Variants in ANKAR observed in about 807,000 individuals in gnomAD.
ANKAR encodes the protein ankyrin and armadillo repeat-containing protein.
Under a neutral mutation model 146.2 loss-of-function variants are expected in ANKAR, and 136 were observed. That is an observed-to-expected ratio of 0.93 (90% CI 0.81 to 1.07). The LOEUF (loss-of-function observed/expected upper bound fraction) is 1.07, where lower values mean the gene tolerates loss of function less well. Ranked by LOEUF, ANKAR falls within the 50% of genes least tolerant of loss-of-function variation. The probability of loss-of-function intolerance (pLI) is 0.00; values close to 1 mark genes in which losing one functional copy is unlikely to be tolerated. For synonymous variants in ANKAR, 500 were observed against 575.8 expected, an observed-to-expected ratio of 0.87 and a Z score of 1.88; for missense variants, 1,567 against 1,679.9, an observed-to-expected ratio of 0.93 and a Z score of 1.18.
At chr2:189,756,232 C>A (rs2046062361) in intron 18 of ANKAR, among the ~76,000 whole-genome samples, 1 of 152,120 alleles carries the variant, frequency 6.6e-6, no homozygotes, top group Admixed American at 6.5e-5. Context: ...GAATCTGGTG[C>A]TCAGAGTTTG....
At position 189,705,089 on chromosome 2, in the gene ANKAR, C is replaced by T; in HGVS notation, c.1775C>T (p.Ser592Phe). 1.9e-6 allele frequency: 3 copies of T among 1,614,050 alleles called. No homozygotes were observed. The highest frequency in any genetic ancestry group is 2.5e-6 in the Non-Finnish European group (3 of 1,179,998). The stretch of plus-strand genomic sequence containing the variant: ...GAAACAACAGTTTGTCTACTGTGTT[C>T]CAAAGCTGATTACACGCTTTCTGAA... ...SLETTVCLLCSKADYTLSEKR... is the reference protein window; with the variant it reads ...SLETTVCLLCFKADYTLSEKR... Residue 592 changes from serine to phenylalanine, a missense_variant, in exon 8 of 23, where the codon TCC becomes TTC. Physicochemically the swap from Ser to Phe is radical, Grantham distance 155 (BLOSUM62 -2). Transcript: ENST00000684021.
chr2:189,696,427 T>G lies in ANKAR; in HGVS notation c.1708+58T>G, dbSNP rs2037212386. 3 of 1,511,126 alleles carry G rather than the reference T, an allele frequency of 2.0e-6. No homozygotes were observed. In the Admixed American group the frequency reaches 6.1e-5, roughly 30 times the overall value. The allele number at this position is 1,511,126 out of a possible 1,614,324, so 93.6% of individuals were successfully genotyped here. On this transcript the variant is annotated intron_variant, in intron 7 of 22. Transcript: ENST00000684021. Reference sequence around the variant, plus strand: ...TATTTTATTTACCCTTACTCAGCATTAGGAATGCACGTTGATTTTAGAGCA... The same window carrying G: ...TATTTTATTTACCCTTACTCAGCATGAGGAATGCACGTTGATTTTAGAGCA...
At chr2:189,706,852 T>G in intron 8 of ANKAR, 86 bp from the exon 9 acceptor site, 1 of 948,604 alleles carries the variant, frequency 1.1e-6, no homozygotes, top group Non-Finnish European at 1.6e-6. Flanking sequence ...TAAGTCAGAC[T>G]ACCTCCAATT....
chr2:189,736,499 G>GTTTTTTTTTTTTT (rs71938893), intron 17 of ANKAR, among the ~76,000 whole-genome samples: 14 of 113,708 alleles, frequency 1.2e-4, no homozygotes, highest in African/African-American at 3.4e-4. Flanking sequence ...AGGTGACTGG[G>GTTTTTTTTTTTTT]TTTTGTGTGT....
chr2:189,744,939 C>T, intron 22 of ANKAR, 151 bp downstream of exon 22: 2 of 557,214 alleles, frequency 3.6e-6, no homozygotes, highest in Non-Finnish European at 6.3e-6. Context: ...GGGCAGATCA[C>T]TTGAGGTCAG....
chr2:189,716,425 C>A (rs952799577), intron 10 of ANKAR, among the ~76,000 whole-genome samples: 1 of 152,056 alleles, frequency 6.6e-6, no homozygotes. Flanking sequence ...AACCACTGCT[C>A]AATGAAATAA....
At chr2:189,677,530 A>G (rs938543866) in intron 2 of ANKAR, among the ~76,000 whole-genome samples, 3 of 152,136 alleles carry the variant, frequency 2.0e-5, no homozygotes, top group Non-Finnish European at 2.9e-5. Flanking sequence ...ATAAGGGAGA[A>G]CATAAAATAT....
At chr2:189,693,725 A>G (rs191716832) in intron 5 of ANKAR, among the ~76,000 whole-genome samples, 50 of 151,728 alleles carry the variant, frequency 3.3e-4, no homozygotes, top group African/African-American at 1.2e-3. Context: ...CAGACTGGGC[A>G]CCAGAGTAAG....
rs758166651 is a variant in ANKAR at position 189,743,356 on chromosome 2, A to G, written c.3892A>G (p.Asn1298Asp). The change falls in exon 21 of 23, where the codon AAT (asparagine) becomes GAT (aspartate). Residue 1298 changes from asparagine to aspartate, a missense_variant. Coordinates refer to ENST00000684021, the MANE Select transcript of ANKAR (RefSeq NM_001378068.1). Reference sequence around the variant, plus strand: ...CCGCATCCTATTAAAAGAATGCAGGAATAAACCTAATCAGTTCATTCGTAT... The same window carrying G: ...CCGCATCCTATTAAAAGAATGCAGGGATAAACCTAATCAGTTCATTCGTAT... Reference protein sequence around the residue: ...AFRILLKECRNKPNQFIRIKN... With the variant: ...AFRILLKECRDKPNQFIRIKN... The G allele has an allele frequency of 1.2e-6, 2 of 1,614,074 alleles. No individual in the cohort carries two copies. Among genetic ancestry groups the G allele is most frequent in the East Asian group, 4.5e-5 (2 of 44,862 alleles).
intron 18 of ANKAR, among the ~76,000 whole-genome samples, chr2:189,760,440 A>G (rs2046865053): frequency 6.6e-6 from 1 of 152,208 alleles, no homozygotes; most frequent in South Asian, 2.1e-4. Context: ...ACCTCCCAAG[A>G]GTATTTTAAT....
chr2:189,710,999 T>C (rs1225658353), intron 9 of ANKAR, 50 bp from the exon 10 acceptor site: 2 of 1,493,988 alleles, frequency 1.3e-6, no homozygotes, highest in African/African-American at 2.8e-5. Flanking sequence ...AAGCATTTCA[T>C]TGCCTTTTGT....
At chr2:189,742,315 C>T (rs971049372) in intron 20 of ANKAR, among the ~76,000 whole-genome samples, 2 of 152,114 alleles carry the variant, frequency 1.3e-5, no homozygotes, top group African/African-American at 4.8e-5. Flanking sequence ...CAACCGGATG[C>T]CAACATAAAG....
chr2:189,747,615 G>C (rs960317088), downstream of ANKAR, among the ~76,000 whole-genome samples: 1 of 152,136 alleles, frequency 6.6e-6, no homozygotes, highest in African/African-American at 2.4e-5. Context: ...AGCAATGTCT[G>C]CTTCTCCTAT....
At chr2:189,746,672 A>AT (rs923376587), downstream of ANKAR, 7 of 1,518,990 alleles carry the variant, frequency 4.6e-6, no homozygotes, top group Middle Eastern at 1.8e-4. Context: ...TCTTTTAAAA[A>AT]TTTTTTTATT....
Position 189,695,119 on chromosome 2 carries a change from A to C in ANKAR, c.1446A>C (p.Gln482His). 1 of 1,607,834 alleles carries C rather than the reference A, an allele frequency of 6.2e-7. No individual in the cohort carries two copies. The highest frequency in any genetic ancestry group is 1.3e-5 in the African/African-American group (1 of 74,536). ...LPLTDAQLHEQFKKKLGFKRA... is the reference protein window; with the variant it reads ...LPLTDAQLHEHFKKKLGFKRA... ...TGACAGATGCTCAATTACATGAACA[A>C]TTTAAGAAAAAGCTTGGTTTCAAAA... Residue 482 changes from glutamine to histidine, a missense_variant, in exon 6 of 23, where the codon CAA (glutamine) becomes CAC (histidine). Coordinates refer to ENST00000684021, the MANE Select transcript of ANKAR (RefSeq NM_001378068.1).
In ANKAR at chr2:189,689,567, C is replaced by G; in HGVS notation, c.642C>G (p.Ile214Met). The G allele has an allele frequency of 6.2e-7, 1 of 1,605,648 alleles. No individual in the cohort carries two copies. The stretch of plus-strand genomic sequence containing the variant: ...CAAAGGATCCAGACTTTAATGAAAT[C>G]TATGATGAAGACGTGAATGAAGATC... ...DITKDPDFNE[I>M]YDEDVNEDPT... is the part of the protein sequence containing the mutation. The change falls in exon 3 of 23, where the codon ATC (isoleucine) becomes ATG (methionine). Residue 214 changes from isoleucine (I) to methionine (M), a missense_variant. Physicochemically the swap from Ile to Met is conservative, Grantham distance 10 (BLOSUM62 1). Coordinates refer to ENST00000684021, the MANE Select transcript of ANKAR (RefSeq NM_001378068.1).
intron 10 of ANKAR, among the ~76,000 whole-genome samples, chr2:189,711,805 G>T (rs1005286170): frequency 1.3e-5 from 2 of 152,248 alleles, no homozygotes; most frequent in Non-Finnish European, 2.9e-5. Context: ...CCTCACCTGG[G>T]AAGCACAAGG....
chr2:189,729,695 C>CGTGTGTGTGTGTGTGT (rs139823318), intron 15 of ANKAR, among the ~76,000 whole-genome samples: 5,734 of 94,214 alleles, frequency 0.061, 180 homozygotes, highest in East Asian at 0.23. Flanking sequence ...ATCAGCTGTG[C>CGTGTGTGTGTGTGTGT]GTGTGTGTGT....
In ANKAR at chr2:189,727,925, C is replaced by T; in HGVS notation, c.2705C>T (p.Ala902Val). 2 of 1,613,994 alleles carry T rather than the reference C, an allele frequency of 1.2e-6. No individual in the cohort carries two copies. Among genetic ancestry groups the T allele is most frequent in the Non-Finnish European group, 1.7e-6 (2 of 1,179,952 alleles). The change falls in exon 13 of 23, where the codon GCT becomes GTT. Residue 902 changes from alanine to valine, a missense_variant. Ala to Val is a moderately conservative substitution (Grantham distance 64). Coordinates refer to ENST00000684021, the MANE Select transcript of ANKAR (RefSeq NM_001378068.1). Reference sequence around the variant, plus strand: ...CGTGACAATAAGGAAATTCAGGATGCTATAGCTATGGAGGGAGCGATTCCT... The same window carrying T: ...CGTGACAATAAGGAAATTCAGGATGTTATAGCTATGGAGGGAGCGATTCCT... Reference protein sequence around the residue: ...VGRDNKEIQDAIAMEGAIPPL... With the variant: ...VGRDNKEIQDVIAMEGAIPPL...
Sources: allele counts gnomAD v4.1 joint callset (sites outside exome capture counted in the v4.1 genomes callset), GRCh38; gene constraint gnomAD v4.1.1; transcripts MANE v1.5; gene names NCBI Gene and HGNC (gene_info 2026-07-23, HGNC 2026-07-21).